The following BMP6 variants were observed in gnomAD, a reference collection of about 807,000 sequenced individuals.
BMP6 encodes VG-1-R.
Under a neutral mutation model 54.1 loss-of-function variants are expected in BMP6, and 17 were observed. That is an observed-to-expected ratio of 0.31 (90% CI 0.22 to 0.47). The LOEUF (loss-of-function observed/expected upper bound fraction) is 0.47, where lower values mean the gene tolerates loss of function less well. Ranked by LOEUF, BMP6 falls within the 20% of genes least tolerant of loss-of-function variation. The pLI is 1.00. For missense variants in BMP6, 720 were observed against 690.4 expected, an observed-to-expected ratio of 1.04 and a Z score of -0.48; for synonymous variants, 328 against 291.2, an observed-to-expected ratio of 1.13 and a Z score of -1.28.
At chr6:7,872,709 G>C (rs1232294362) in intron 4 of BMP6, among the ~76,000 whole-genome samples, 2 of 152,060 alleles carry the variant, frequency 1.3e-5, no homozygotes, top group Admixed American at 6.5e-5. Context: ...AGCAGAAAAA[G>C]AAACTGGAAA....
intron 1 of BMP6, among the ~76,000 whole-genome samples, chr6:7,807,119 G>A (rs1233785517): frequency 9.9e-5 from 15 of 152,250 alleles, no homozygotes; most frequent in South Asian, 4.1e-4. Context: ...ATTCTCTTAC[G>A]TAATACTCTC....
intron 1 of BMP6, among the ~76,000 whole-genome samples, chr6:7,807,623 T>C (rs190263304): frequency 3.3e-5 from 5 of 152,246 alleles, no homozygotes; most frequent in Admixed American, 3.3e-4. Context: ...ATCCCAGACC[T>C]ACCAATTCAG....
chr6:7,726,524 C>T lies in BMP6; in HGVS notation c.-432C>T, dbSNP rs1486968167. On this transcript the variant is annotated 5_prime_UTR_variant, in exon 1 of 7. Coordinates refer to ENST00000283147, the MANE Select transcript of BMP6 (RefSeq NM_001718.6). Reference sequence around the variant, plus strand: ...CTCCCGCAGCTCGTGAGCGGCCCCGCTCCCCGCTGCCCCGGGTCCCACTCA... The same window carrying T: ...CTCCCGCAGCTCGTGAGCGGCCCCGTTCCCCGCTGCCCCGGGTCCCACTCA... 1.3e-5 allele frequency among the ~76,000 whole-genome samples: 2 copies of T among 152,190 alleles called. No individual in the cohort carries two copies. The highest frequency in any genetic ancestry group is 4.8e-5 in the African/African-American group (2 of 41,452).
At chr6:7,765,789 T>C (rs1382080217) in intron 1 of BMP6, among the ~76,000 whole-genome samples, 2 of 152,238 alleles carry the variant, frequency 1.3e-5, no homozygotes, top group Non-Finnish European at 2.9e-5. Flanking sequence ...GGCAGGGCCG[T>C]GTTCCTTCTG....
At position 7,731,073 on chromosome 6, in the gene BMP6, CATT is replaced by C. The variant is rs547630794; in HGVS notation, c.664+3455_664+3457del. Among the ~76,000 whole-genome samples, 68 of 152,264 alleles carry C rather than the reference CATT, an allele frequency of 4.5e-4. No homozygotes were observed. The South Asian group carries it at 5.0e-3, about 11-fold the overall frequency. ...GCAAGTGCTGGTCATCCAACCAGCT[CATT>C]GTTGTTTATGTTGACTGTTTCAAAC... is the stretch of plus-strand genomic sequence containing the variant. On this transcript the variant is annotated intron_variant, in intron 1 of 6. Transcript: ENST00000283147.
intron 1 of BMP6, among the ~76,000 whole-genome samples, chr6:7,740,596 G>A (rs1426653059): frequency 6.6e-6 from 1 of 152,088 alleles, no homozygotes. Flanking sequence ...CAAAGTTTGT[G>A]GATCAGCACA....
intron 1 of BMP6, among the ~76,000 whole-genome samples, chr6:7,790,809 C>A (rs1248395304): frequency 6.6e-6 from 1 of 152,188 alleles, no homozygotes; most frequent in Non-Finnish European, 1.5e-5. Context: ...CTCCTTCTTG[C>A]AGGTCTGTCC....
At chr6:7,785,625 A>T (rs736681) in intron 1 of BMP6, among the ~76,000 whole-genome samples, 2 of 152,088 alleles carry the variant, frequency 1.3e-5, no homozygotes, top group African/African-American at 4.8e-5. Context: ...GACTCTTCCC[A>T]TGTCTGCTGC....
Position 7,727,260 on chromosome 6 carries a change from C to A in BMP6, c.305C>A (p.Pro102Gln), listed in dbSNP as rs1761746742. 3.7e-6 allele frequency: 6 copies of A among 1,605,734 alleles called. No individual in the cohort carries two copies. The African/African-American group carries it at 8.0e-5, about 21-fold the overall frequency. ...CGGCCCCTGCACGGCCTCCAACAGCCGCAGCCCCCGGCGCTCCGGCAGCAG... is the reference window on the plus strand; with the variant it reads ...CGGCCCCTGCACGGCCTCCAACAGCAGCAGCCCCCGGCGCTCCGGCAGCAG... ...RPRPLHGLQQ[P>Q]QPPALRQQEE... Residue 102 changes from proline (P) to glutamine (Q), a missense_variant, in exon 1 of 7, where the codon CCG becomes CAG. Pro to Gln is a moderately conservative substitution (Grantham distance 76, BLOSUM62 -1). Transcript: ENST00000283147.
chr6:7,728,168 G>A (rs1456223028), intron 1 of BMP6, among the ~76,000 whole-genome samples: 2 of 152,066 alleles, frequency 1.3e-5, no homozygotes, highest in East Asian at 3.9e-4. Flanking sequence ...CGGCACTAGG[G>A]GAGGTTGCAG....
At chr6:7,809,485 A>G (rs1758404422) in intron 1 of BMP6, among the ~76,000 whole-genome samples, 1 of 152,252 alleles carries the variant, frequency 6.6e-6, no homozygotes, top group Non-Finnish European at 1.5e-5. Context: ...AGCATGAGCA[A>G]CAGGATTTTT....
At chr6:7,856,979 G>A (rs553287370) in intron 2 of BMP6, among the ~76,000 whole-genome samples, 7 of 152,298 alleles carry the variant, frequency 4.6e-5, no homozygotes, top group Admixed American at 3.9e-4. Flanking sequence ...TGGGTGTGTG[G>A]TTTGTCAGGA....
Position 7,727,289 on chromosome 6 carries a change from G to GAGCAGC in BMP6, c.350_355dup (p.Gln117_Gln118dup), listed in dbSNP as rs537332654. ...GCCCCCGGCGCTCCGGCAGCAGGAG[G>GAGCAGC]AGCAGCAGCAGCAGCAGCAGCTGCC... On this transcript the variant is annotated inframe_insertion, in exon 1 of 7. Coordinates refer to ENST00000283147, the MANE Select transcript of BMP6 (RefSeq NM_001718.6). 39 of 1,605,914 alleles carry GAGCAGC rather than the reference G, an allele frequency of 2.4e-5. No homozygotes were observed. The highest frequency in any genetic ancestry group is 1.1e-4 in the East Asian group (5 of 44,412).
chr6:7,775,932 C>T (rs1366154234), intron 1 of BMP6, among the ~76,000 whole-genome samples: 1 of 152,216 alleles, frequency 6.6e-6, no homozygotes, highest in Non-Finnish European at 1.5e-5. Context: ...CTTTACTTCG[C>T]ACTCATTCTA....
chr6:7,744,581 T>G (rs1349801104), intron 1 of BMP6, among the ~76,000 whole-genome samples: 1 of 152,242 alleles, frequency 6.6e-6, no homozygotes, highest in Non-Finnish European at 1.5e-5. Flanking sequence ...TTCTATACAA[T>G]GAAATGCACA....
chr6:7,844,133 C>T (rs563132237), intron 1 of BMP6, among the ~76,000 whole-genome samples: 4 of 152,200 alleles, frequency 2.6e-5, no homozygotes, highest in Non-Finnish European at 4.4e-5. Flanking sequence ...TGAGTGAGGT[C>T]GTGCAGTGAT....
At position 7,789,956 on chromosome 6, in the gene BMP6, C is replaced by G. The variant is rs373647842; in HGVS notation, c.665-55184C>G. Among the ~76,000 whole-genome samples the G allele has an allele frequency of 2.6e-5, 4 of 151,998 alleles. No homozygotes were observed. The East Asian group carries it at 7.7e-4, about 29-fold the overall frequency. ...CATTTTGATGAAATGACCAACTCAG[C>G]CTGATATAACTGGGTCTGCTGCAGG... On this transcript the variant is annotated intron_variant, in intron 1 of 6. Coordinates refer to ENST00000283147, the MANE Select transcript of BMP6 (RefSeq NM_001718.6).
chr6:7,780,319 G>A (rs552412388), intron 1 of BMP6, among the ~76,000 whole-genome samples: 44 of 152,090 alleles, frequency 2.9e-4, no homozygotes, highest in African/African-American at 9.9e-4. Context: ...AGGCCGAGGC[G>A]GGTGGATCAC....
intron 4 of BMP6, among the ~76,000 whole-genome samples, chr6:7,874,308 C>T (rs560422904): frequency 6.6e-6 from 1 of 152,314 alleles, no homozygotes; most frequent in South Asian, 2.1e-4. Context: ...CTAATAAACA[C>T]ATCACAGCCG....
Sources: allele counts gnomAD v4.1 joint callset (sites outside exome capture counted in the v4.1 genomes callset), GRCh38; gene constraint gnomAD v4.1.1; transcripts MANE v1.5; gene names NCBI Gene and HGNC (gene_info 2026-07-23, HGNC 2026-07-21).